The following CEP250 variants were observed in gnomAD, a reference collection of about 807,000 sequenced individuals.
CEP250 encodes centrosome-associated protein CEP250.
Under a neutral mutation model 315.7 loss-of-function variants are expected in CEP250, and 242 were observed. The ratio of observed to expected loss-of-function variants is 0.77; its 90% CI spans 0.69 to 0.85. The LOEUF (loss-of-function observed/expected upper bound fraction) is 0.85, where lower values mean the gene tolerates loss of function less well. Among genes scored for constraint, CEP250 ranks in the 40% least tolerant of loss-of-function variants. CEP250 has a pLI of 0.00. For missense variants in CEP250, 2,515 were observed against 2,886.4 expected (o/e 0.87, Z 2.95); for synonymous variants, 1,088 against 1,175.0 (o/e 0.93, Z 1.51).
At chr20:35,459,088 C>T (rs1742570966) in intron 2 of CEP250, among the ~76,000 whole-genome samples, 3 of 148,838 alleles carry the variant, frequency 2.0e-5, no homozygotes, top group African/African-American at 7.4e-5. Context: ...GCCTCAGCCT[C>T]CCAAAGTGCT....
At chr20:35,477,831 G>A in intron 16 of CEP250, 40 bp from the exon 17 acceptor site, 1 of 1,485,702 alleles carries the variant, frequency 6.7e-7, no homozygotes, top group Non-Finnish European at 9.2e-7. Flanking sequence ...CTAACCATTT[G>A]TCTTTGATGC....
chr20:35,467,446 C>T lies in CEP250; in HGVS notation c.742C>T (p.Leu248=). 6.2e-7 allele frequency: 1 copy of T among 1,614,190 alleles called. No homozygotes were observed. Among genetic ancestry groups the T allele is most frequent in the African/African-American group, 1.3e-5 (1 of 75,040 alleles). ...MDGREPAQLL[L]LLAKTQELEK... is the part of the protein sequence containing the mutation. The stretch of plus-strand genomic sequence containing the variant: ...TGGGCGGGAGCCGGCCCAGCTGCTG[C>T]TGCTACTAGCCAAGACCCAGGAGCT... Residue 248 remains leucine (L), a synonymous_variant, in exon 9 of 35, where the codon CTG becomes TTG. Transcript: ENST00000397527.
At chr20:35,499,901 T>C in intron 27 of CEP250, 148 bp from the exon 28 acceptor site, 11 of 878,158 alleles carry the variant, frequency 1.3e-5, no homozygotes, top group Non-Finnish European at 2.0e-5. Flanking sequence ...TAAATACACA[T>C]GTGTTTAAAG....
chr20:35,504,541 G>T lies in CEP250; in HGVS notation c.6172G>T (p.Glu2058Ter). The change falls in exon 30 of 35, where the codon GAG becomes TAG. Residue 2058 changes from glutamate to a stop codon, truncating the protein, a stop_gained. Transcript: ENST00000397527. LOFTEE classifies it high-confidence loss of function. ...AGAGCTGAGACATCAGCAGGAACGG[G>T]AGCAGCTGCTGGAGAAGTCTCTGGC... ...DEELRHQQER[E>*]QLLEKSLAQR... 1 of 1,614,040 alleles carries T rather than the reference G, an allele frequency of 6.2e-7. No homozygotes were observed. The highest frequency in any genetic ancestry group is 8.5e-7 in the Non-Finnish European group (1 of 1,179,940).
At position 35,504,339 on chromosome 20, in the gene CEP250, G is replaced by T. The variant is rs1279155153; in HGVS notation, c.5970G>T (p.Leu1990Phe). ...AGCATCTCCTCGAGCAGGCAGAATTGAGCCGCAGTCTGGAGGCCAGCACTG... is the reference window on the plus strand; with the variant it reads ...AGCATCTCCTCGAGCAGGCAGAATTTAGCCGCAGTCTGGAGGCCAGCACTG... ...KEQHLLEQAE[L>F]SRSLEASTAT... The change falls in exon 30 of 35, where the codon TTG (leucine) becomes TTT (phenylalanine). Residue 1990 changes from leucine to phenylalanine, a missense_variant. By Grantham distance (22) the Leu-to-Phe change is conservative. Coordinates refer to ENST00000397527, the MANE Select transcript of CEP250 (RefSeq NM_007186.6). 32 of 1,593,020 alleles carry T rather than the reference G, an allele frequency of 2.0e-5. No individual in the cohort carries two copies. Among genetic ancestry groups the T allele is most frequent in the Non-Finnish European group, 2.5e-5 (29 of 1,169,990 alleles).
chr20:35,470,106 A>C (rs1208076997), intron 10 of CEP250, 120 bp downstream of exon 10: 1 of 694,862 alleles, frequency 1.4e-6, no homozygotes, highest in Non-Finnish European at 2.5e-6. Context: ...CTAAAGCTAA[A>C]AAATAAATTT....
In CEP250 at chr20:35,473,474, T is replaced by G; in HGVS notation, c.1310T>G (p.Leu437Arg). 1 of 1,614,188 alleles carries G rather than the reference T, an allele frequency of 6.2e-7. No homozygotes were observed. ...GAGGGCAAAGCCTTGAGACAGCGGC[T>G]GCAGAAGCTCACTGGGGAGCGGGAC... Reference protein sequence around the residue: ...EEEGKALRQRLQKLTGERDTL... With the variant: ...EEEGKALRQRRQKLTGERDTL... Residue 437 changes from leucine (L) to arginine (R), a missense_variant, in exon 13 of 35, where the codon CTG becomes CGG. Physicochemically the swap from Leu to Arg is moderately radical, Grantham distance 102. Coordinates refer to ENST00000397527, the MANE Select transcript of CEP250 (RefSeq NM_007186.6).
chr20:35,495,945 G>A (rs986538204), intron 24 of CEP250, among the ~76,000 whole-genome samples: 5 of 152,172 alleles, frequency 3.3e-5, no homozygotes, highest in South Asian at 2.1e-4. Flanking sequence ...AAGGGAGTTA[G>A]AATCAATTGT....
In CEP250 at chr20:35,469,959, G is replaced by A; in HGVS notation, c.921G>A (p.Lys307=). The change falls in exon 10 of 35, where the codon AAG becomes AAA. Residue 307 remains lysine (K), a synonymous_variant. Transcript: ENST00000397527. ...ATGAAGATTATGAAAAGATGATAAA[G>A]GCTCTGAGAGAGACAGTGGAGATCC... ...KQNEDYEKMI[K]ALRETVEILE... The A allele has an allele frequency of 3.1e-6, 5 of 1,613,716 alleles. No homozygotes were observed. The highest frequency in any genetic ancestry group is 4.2e-6 in the Non-Finnish European group (5 of 1,179,640).
At chr20:35,485,592 G>A (rs1262954227) in intron 20 of CEP250, among the ~76,000 whole-genome samples, 1 of 141,548 alleles carries the variant, frequency 7.1e-6, no homozygotes, top group African/African-American at 2.6e-5. Flanking sequence ...CCAGGCTCAA[G>A]TGATCTTCCT....
intron 4 of CEP250, 29 bp from the exon 5 acceptor site, chr20:35,463,546 T>C: frequency 6.3e-7 from 1 of 1,579,582 alleles, no homozygotes. Flanking sequence ...GCTGTGTTCA[T>C]TGCCCAGGGC....
intron 27 of CEP250, 148 bp from the exon 28 acceptor site, chr20:35,499,901 T>A: frequency 1.1e-6 from 1 of 878,158 alleles, no homozygotes; most frequent in Admixed American, 2.2e-5. Flanking sequence ...TAAATACACA[T>A]GTGTTTAAAG....
In CEP250 at chr20:35,479,215, A is replaced by G. The variant is rs752300239; in HGVS notation, c.2095-16A>G. ...TCCAGCCTCTGCTCCATCTCTCACC[A>G]CATTCTTCCCCTCAGTCACGTCACC... is the stretch of plus-strand genomic sequence containing the variant. On this transcript the variant is annotated splice_polypyrimidine_tract_variant and intron_variant, in intron 17 of 34. Transcript: ENST00000397527. 2.7e-5 allele frequency: 43 copies of G among 1,611,002 alleles called. No individual in the cohort carries two copies. Among genetic ancestry groups the G allele is most frequent in the Admixed American group, 8.4e-5 (5 of 59,804 alleles).
intron 22 of CEP250, among the ~76,000 whole-genome samples, 192 bp from the exon 23 acceptor site, chr20:35,493,237 A>G (rs2063746331): frequency 6.6e-6 from 1 of 151,932 alleles, no homozygotes; most frequent in Non-Finnish European, 1.5e-5. Flanking sequence ...TTACCAATTC[A>G]TGGACTCTGA....
intron 24 of CEP250, among the ~76,000 whole-genome samples, chr20:35,495,383 A>T (rs927229127): frequency 6.6e-6 from 1 of 152,192 alleles, no homozygotes; most frequent in Non-Finnish European, 1.5e-5. Context: ...ATTTGAAGGG[A>T]TTGTAATGCC....
intron 5 of CEP250, among the ~76,000 whole-genome samples, chr20:35,464,381 T>C (rs1568756138): frequency 6.6e-6 from 1 of 152,106 alleles, no homozygotes; most frequent in Non-Finnish European, 1.5e-5. Flanking sequence ...CAGTCATGAG[T>C]CACTGCAGCC....
intron 4 of CEP250, among the ~76,000 whole-genome samples, chr20:35,463,205 C>G (rs2062796668): frequency 6.6e-6 from 1 of 152,150 alleles, no homozygotes; most frequent in Non-Finnish European, 1.5e-5. Context: ...GAGTTTGAGA[C>G]CAGCCTGGCC....
Position 35,517,125 on chromosome 20 carries a change from C to T in CEP250, c.*5499C>T. The T allele has an allele frequency of 5.1e-6, 3 of 587,994 alleles. No individual in the cohort carries two copies. The highest frequency in any genetic ancestry group is 4.3e-6 in the Non-Finnish European group (2 of 466,514). 36.4% of individuals were successfully genotyped at this position (587,994 alleles called of 1,614,324 possible). A position where few individuals can be genotyped will look rare whatever the true frequency, so the allele number is the denominator to read the frequency against. On this transcript the variant is annotated 3_prime_UTR_variant, in exon 35 of 35. Coordinates refer to ENST00000397527, the MANE Select transcript of CEP250 (RefSeq NM_007186.6). ...GTCCGCAGAACACCTCCTTCCAGCA[C>T]CTTAGCTCCTGCCTCCCTCTGGACC...
Position 35,503,323 on chromosome 20 carries a change from G to T in CEP250, c.4954G>T (p.Asp1652Tyr). ...GAGGCAGAAAGAGCATCTGACTCAG[G>T]ATCTCGAGAGGAGAGACCAGGAGCT... is the stretch of plus-strand genomic sequence containing the variant. ...LQRQKEHLTQ[D>Y]LERRDQELML... is the part of the protein sequence containing the mutation. Residue 1652 changes from aspartate (D) to tyrosine (Y), a missense_variant, in exon 30 of 35, where the codon GAT (aspartate) becomes TAT (tyrosine). Transcript: ENST00000397527. The surrounding 1 kb of genome is among the most constrained non-coding windows in gnomAD (Gnocchi z 4.2). 6.2e-7 allele frequency: 1 copy of T among 1,614,174 alleles called. No individual in the cohort carries two copies. Among genetic ancestry groups the T allele is most frequent in the Non-Finnish European group, 8.5e-7 (1 of 1,180,020 alleles).
Sources: gnomAD v4.1 joint callset for allele counts (sites outside exome capture counted in the v4.1 genomes callset) on GRCh38, gnomAD v4.1.1 for gene constraint, Gnocchi (gnomAD v3.1) non-coding constraint, MANE v1.5 for transcripts, NCBI Gene and HGNC (gene_info 2026-07-23, HGNC 2026-07-21) for gene names.